The following ATP9A variants were observed in gnomAD, a reference collection of about 807,000 sequenced individuals.
The protein encoded by ATP9A is probable phospholipid-transporting ATPase IIA.
In ATP9A, 52 loss-of-function variants were observed where a neutral mutation model predicts 144.1. The observed-to-expected ratio is 0.36, with a 90% CI of 0.29 to 0.45. The LOEUF (loss-of-function observed/expected upper bound fraction) is 0.45, where lower values mean the gene tolerates loss of function less well. ATP9A is among the 20% of genes least tolerant of loss of function. The pLI, the probability that ATP9A is intolerant of heterozygous loss-of-function variation, is 1.00. For synonymous variants in ATP9A, 582 were observed against 557.4 expected (o/e 1.04, Z -0.62); for missense variants, 947 against 1,392.7 (o/e 0.68, Z 5.09).
At chr20:51,668,821 A>C (rs190732680) in intron 13 of ATP9A, among the ~76,000 whole-genome samples, 390 of 152,218 alleles carry the variant, frequency 2.6e-3, no homozygotes, top group Middle Eastern at 0.021. Context: ...ATCCACTCCC[A>C]CTGTCACACT....
chr20:51,615,500 A>C (rs529650828), intron 22 of ATP9A, among the ~76,000 whole-genome samples: 57 of 152,340 alleles, frequency 3.7e-4, no homozygotes, highest in African/African-American at 1.2e-3. Flanking sequence ...CATGTGTAAG[A>C]TATTTGTATA....
intron 18 of ATP9A, among the ~76,000 whole-genome samples, chr20:51,624,628 C>T (rs947765092): frequency 4.6e-5 from 7 of 152,276 alleles, no homozygotes; most frequent in Admixed American, 6.5e-5. Flanking sequence ...GGACACTGCT[C>T]GGCCTTGAGC....
chr20:51,759,508 A>G (rs111302729), intron 1 of ATP9A, among the ~76,000 whole-genome samples: 31,120 of 151,960 alleles, frequency 0.2, 3,538 homozygotes, highest in Non-Finnish European at 0.25. Context: ...CTCTGTCTCT[A>G]CTAAAACCAC....
chr20:51,743,782 G>A (rs1320416060), intron 1 of ATP9A, among the ~76,000 whole-genome samples: 2 of 150,010 alleles, frequency 1.3e-5, no homozygotes, highest in Non-Finnish European at 3.0e-5. Flanking sequence ...GCTGAGGCGG[G>A]CGGATCACGA....
intron 4 of ATP9A, among the ~76,000 whole-genome samples, chr20:51,707,434 A>G (rs1430121999): frequency 6.6e-6 from 1 of 151,958 alleles, no homozygotes; most frequent in Non-Finnish European, 1.5e-5. Context: ...TACCATCCAC[A>G]CTGGCCTCTC....
At chr20:51,741,752 G>A (rs1427615566) in intron 1 of ATP9A, among the ~76,000 whole-genome samples, 2 of 152,112 alleles carry the variant, frequency 1.3e-5, no homozygotes, top group Non-Finnish European at 2.9e-5. Context: ...CCTTACATCA[G>A]TGGTTCTCAA....
chr20:51,765,458 C>G (rs1000458714), intron 1 of ATP9A, among the ~76,000 whole-genome samples: 1 of 151,568 alleles, frequency 6.6e-6, no homozygotes, highest in Non-Finnish European at 1.5e-5. Context: ...AGTTCGAGAC[C>G]AGCCTGACCA....
intron 15 of ATP9A, among the ~76,000 whole-genome samples, chr20:51,632,159 T>G (rs2077272546): frequency 6.6e-6 from 1 of 152,200 alleles, no homozygotes; most frequent in African/African-American, 2.4e-5. Context: ...AGCCTCGACC[T>G]CCTGGACTCG....
intron 1 of ATP9A, among the ~76,000 whole-genome samples, chr20:51,767,911 G>A (rs1345585382): frequency 6.6e-6 from 1 of 152,196 alleles, no homozygotes; most frequent in Non-Finnish European, 1.5e-5. Flanking sequence ...AGCTCGGTGT[G>A]ACACTGACCA....
intron 15 of ATP9A, among the ~76,000 whole-genome samples, chr20:51,630,267 C>G (rs1164742198): frequency 6.6e-6 from 1 of 152,224 alleles, no homozygotes; most frequent in African/African-American, 2.4e-5. Context: ...ATTCGCGTCA[C>G]TGGGAGGTGG....
intron 17 of ATP9A, among the ~76,000 whole-genome samples, chr20:51,626,050 C>T (rs1293259314): frequency 6.6e-6 from 1 of 152,240 alleles, no homozygotes; most frequent in Non-Finnish European, 1.5e-5. Context: ...CCTTGCATTC[C>T]TGCACGCTGG....
At chr20:51,749,124 G>A (rs992285805) in intron 1 of ATP9A, among the ~76,000 whole-genome samples, 1 of 152,152 alleles carries the variant, frequency 6.6e-6, no homozygotes, top group Non-Finnish European at 1.5e-5. Context: ...TATTTGGGAC[G>A]CTGAGGCAGG....
intron 13 of ATP9A, among the ~76,000 whole-genome samples, chr20:51,661,367 CTTT>C (rs35618042): frequency 2.1e-5 from 3 of 145,904 alleles, no homozygotes; most frequent in Non-Finnish European, 1.5e-5. Flanking sequence ...CTGAAATACA[CTTT>C]TTTTTTTTTT....
chr20:51,630,995 C>T (rs1024663456), intron 15 of ATP9A, among the ~76,000 whole-genome samples: 2 of 152,080 alleles, frequency 1.3e-5, no homozygotes, highest in African/African-American at 2.4e-5. Context: ...CCCAAAACTA[C>T]ACTTCTGTCT....
At chr20:51,723,518 G>A (rs1031520091) in intron 3 of ATP9A, among the ~76,000 whole-genome samples, 1 of 151,350 alleles carries the variant, frequency 6.6e-6, no homozygotes, top group Non-Finnish European at 1.5e-5. Flanking sequence ...AGGCTGCAGT[G>A]AGCTATGATT....
chr20:51,646,707 A>G (rs1343873165), intron 14 of ATP9A, among the ~76,000 whole-genome samples: 2 of 151,568 alleles, frequency 1.3e-5, no homozygotes, highest in Non-Finnish European at 2.9e-5. Flanking sequence ...GAGAAAAACT[A>G]ATTTTGACAT....
intron 13 of ATP9A, among the ~76,000 whole-genome samples, chr20:51,657,372 A>G (rs990747072): frequency 6.6e-6 from 1 of 152,130 alleles, no homozygotes; most frequent in Non-Finnish European, 1.5e-5. Flanking sequence ...GAAAAAAAAT[A>G]CAATTTAATG....
intron 18 of ATP9A, among the ~76,000 whole-genome samples, chr20:51,622,632 A>T (rs553465396): frequency 1.3e-5 from 2 of 152,316 alleles, no homozygotes; most frequent in African/African-American, 4.8e-5. Context: ...CTCAGCTTAT[A>T]AAACGCTGAC....
rs747047437 is a variant in ATP9A, at chr20:51,629,078, G to C, written c.1669-6C>G. 1 of 1,609,556 alleles carries C rather than the reference G, an allele frequency of 6.2e-7. No homozygotes were observed. Among genetic ancestry groups the C allele is most frequent in the Non-Finnish European group, 8.5e-7 (1 of 1,175,868 alleles). On this transcript the variant is annotated splice_region_variant and splice_polypyrimidine_tract_variant and intron_variant, in intron 15 of 27. Coordinates refer to ENST00000338821, the MANE Select transcript of ATP9A (RefSeq NM_006045.3). ...ATTTCTCCAGTTGATTCATCCTAGA[G>C]AGGGAGGCCGGAAGGAATGAGAAAC...
Sources: allele counts gnomAD v4.1 joint callset (sites outside exome capture counted in the v4.1 genomes callset), GRCh38; gene constraint gnomAD v4.1.1; transcripts MANE v1.5; gene names NCBI Gene and HGNC (gene_info 2026-07-23, HGNC 2026-07-21).